The following CTNNA1 variants were observed in gnomAD, a reference collection of about 807,000 sequenced individuals.
CTNNA1 encodes the protein catenin alpha 1, also known as catenin alpha-1.
A neutral mutation model predicts 98.4 loss-of-function variants in CTNNA1; 37 were observed. The ratio of observed to expected loss-of-function variants is 0.38; its 90% CI spans 0.29 to 0.49. The LOEUF is 0.49. Ranked by LOEUF, CTNNA1 falls within the 20% of genes least tolerant of loss-of-function variation. The pLI is 0.95. For synonymous variants in CTNNA1, 404 were observed against 413.2 expected, an observed-to-expected ratio of 0.98 and a Z score of 0.27; for missense variants, 761 against 1,147.2, an observed-to-expected ratio of 0.66 and a Z score of 4.86.
At chr5:138,764,446 A>C (rs1752690503) in intron 1 of CTNNA1, among the ~76,000 whole-genome samples, 1 of 152,074 alleles carries the variant, frequency 6.6e-6, no homozygotes, top group Non-Finnish European at 1.5e-5. Flanking sequence ...GGGAAAAAAA[A>C]GTGGAAATGG....
At chr5:138,762,863 G>A (rs981849773) in intron 1 of CTNNA1, among the ~76,000 whole-genome samples, 1 of 151,802 alleles carries the variant, frequency 6.6e-6, no homozygotes, top group Non-Finnish European at 1.5e-5. Flanking sequence ...TGTAATTTTT[G>A]TCTCTAAGAG....
At chr5:138,811,732 A>C (rs937503809) in intron 4 of CTNNA1, among the ~76,000 whole-genome samples, 3 of 152,180 alleles carry the variant, frequency 2.0e-5, no homozygotes, top group Non-Finnish European at 2.9e-5. Flanking sequence ...CCCGGCCAAC[A>C]CAGCGAAACC....
At chr5:138,932,172 G>T (rs1326868485) in intron 16 of CTNNA1, 3 of 1,004,842 alleles carry the variant, frequency 3.0e-6, no homozygotes, top group Non-Finnish European at 3.6e-6. Flanking sequence ...AAAACATCTG[G>T]ACTTTTCTCC....
chr5:138,887,550 T>G lies in CTNNA1; in HGVS notation c.1204T>G (p.Leu402Val). 1 of 1,611,848 alleles carries G rather than the reference T, an allele frequency of 6.2e-7. No homozygotes were observed. Among genetic ancestry groups the G allele is most frequent in the Non-Finnish European group, 8.5e-7 (1 of 1,178,604 alleles). Residue 402 changes from leucine to valine, a missense_variant, in exon 9 of 18, where the codon TTG becomes GTG. Physicochemically the swap from Leu to Val is conservative, Grantham distance 32 (BLOSUM62 1). Around this residue, in one of 6 missense-constraint regions of CTNNA1, gnomAD observed 287 missense variants for 436.0 expected, o/e 0.66. Coordinates refer to ENST00000302763, the MANE Select transcript of CTNNA1 (RefSeq NM_001903.5). ...TTTCCTGGAAACCAATGTTCCACTT[T>G]TGGTATTGATTGAAGCTGCAAAGAA... ...DSFLETNVPL[L>V]VLIEAAKNGN...
At chr5:138,888,608 G>A (rs143379132) in intron 9 of CTNNA1, among the ~76,000 whole-genome samples, 373 of 152,258 alleles carry the variant, frequency 2.4e-3, no homozygotes, top group African/African-American at 8.5e-3. Context: ...AGTGCAGTGG[G>A]ACAATCTCAG....
chr5:138,781,895 CCTGA>C (rs772519571), intron 1 of CTNNA1, 24 bp from the exon 2 acceptor site: 10 of 1,559,856 alleles, frequency 6.4e-6, no homozygotes, highest in East Asian at 4.6e-5. Context: ...TTGATGTTTG[CCTGA>C]CTGACTTTTT....
At chr5:138,825,482 G>GTTTTGTTTTTTTTTTTT (rs1760581190) in intron 6 of CTNNA1, among the ~76,000 whole-genome samples, 4 of 74,114 alleles carry the variant, frequency 5.4e-5, no homozygotes, top group African/African-American at 2.3e-4. Context: ...AGCAGTATAA[G>GTTTTGTTTTTTTTTTTT]TTTTTTTTTT....
At chr5:138,868,567 C>T (rs10065417) in intron 7 of CTNNA1, among the ~76,000 whole-genome samples, 3,477 of 152,266 alleles carry the variant, frequency 0.023, 134 homozygotes, top group African/African-American at 0.08. Flanking sequence ...GGTGTTAGTT[C>T]ACTGTAATGG....
intron 7 of CTNNA1, among the ~76,000 whole-genome samples, chr5:138,856,727 G>A (rs288018): frequency 0.74 from 112,841 of 152,064 alleles, 42,138 homozygotes; most frequent in East Asian, 0.99. Context: ...AAGATTGGCA[G>A]AAGGGTGGAT....
intron 10 of CTNNA1, among the ~76,000 whole-genome samples, chr5:138,915,428 A>G (rs757249815): frequency 6.6e-6 from 1 of 152,332 alleles, no homozygotes; most frequent in South Asian, 2.1e-4. Flanking sequence ...GGGGAAAATA[A>G]CAAGTGTTAG....
chr5:138,933,771 G>A lies in CTNNA1; in HGVS notation c.2434-31G>A, dbSNP rs768449258. On this transcript the variant is annotated intron_variant, in intron 17 of 17. Transcript: ENST00000302763. ...GTCCACGAGGCTGGAGGTCAGGCCG[G>A]TGCTTCTTACCACCCCTGTCTGCCT... 7.5e-6 allele frequency: 12 copies of A among 1,604,284 alleles called. No homozygotes were observed. In the East Asian group the frequency reaches 2.7e-4, roughly 36 times the overall value.
At chr5:138,853,991 A>G (rs1763484274) in intron 7 of CTNNA1, among the ~76,000 whole-genome samples, 2 of 152,212 alleles carry the variant, frequency 1.3e-5, no homozygotes, top group Non-Finnish European at 2.9e-5. Flanking sequence ...GACCTGGGTG[A>G]ATGGAAGAAG....
chr5:138,884,058 A>G (rs1392390611), intron 7 of CTNNA1, among the ~76,000 whole-genome samples: 2 of 152,258 alleles, frequency 1.3e-5, no homozygotes, highest in Non-Finnish European at 2.9e-5. Flanking sequence ...CATATTCCCA[A>G]GGTGGTTGGG....
At chr5:138,860,783 A>C (rs748163755) in intron 7 of CTNNA1, among the ~76,000 whole-genome samples, 4 of 152,126 alleles carry the variant, frequency 2.6e-5, no homozygotes, top group Non-Finnish European at 5.9e-5. Context: ...ATACGGTAAT[A>C]AAATGGGCTC....
At chr5:138,827,460 G>C in intron 6 of CTNNA1, 55 bp from the exon 7 acceptor site, 2 of 1,581,740 alleles carry the variant, frequency 1.3e-6, no homozygotes, top group Non-Finnish European at 8.7e-7. Context: ...TTCTCACCTT[G>C]AATAAAGAAG....
intron 1 of CTNNA1, among the ~76,000 whole-genome samples, chr5:138,760,560 T>C (rs1752243971): frequency 6.6e-6 from 1 of 151,926 alleles, no homozygotes; most frequent in Non-Finnish European, 1.5e-5. Context: ...GAAACGGGGT[T>C]TCACCATATT....
In CTNNA1 at chr5:138,887,570, A is replaced by C; in HGVS notation, c.1224A>C (p.Ala408=). The C allele has an allele frequency of 6.2e-7, 1 of 1,612,740 alleles. No homozygotes were observed. The highest frequency in any genetic ancestry group is 8.5e-7 in the Non-Finnish European group (1 of 1,179,216). ...CACTTTTGGTATTGATTGAAGCTGC[A>C]AAGAATGGAAATGAGAAAGAAGTTA... is the stretch of plus-strand genomic sequence containing the variant. ...NVPLLVLIEA[A]KNGNEKEVKE... is the part of the protein sequence containing the mutation. The change falls in exon 9 of 18, where the codon GCA becomes GCC. Residue 408 remains alanine (A), a synonymous_variant. Transcript: ENST00000302763.
intron 3 of CTNNA1, among the ~76,000 whole-genome samples, chr5:138,805,451 A>G (rs1757993510): frequency 6.6e-6 from 1 of 152,088 alleles, no homozygotes. Context: ...TAGCCATCCT[A>G]ACTAAGTACA....
At chr5:138,884,065 T>A (rs1267833261) in intron 7 of CTNNA1, among the ~76,000 whole-genome samples, 1 of 152,230 alleles carries the variant, frequency 6.6e-6, no homozygotes, top group African/African-American at 2.4e-5. Context: ...CCAAGGTGGT[T>A]GGGTCATACC....
Sources: allele counts gnomAD v4.1 joint callset (sites outside exome capture counted in the v4.1 genomes callset), GRCh38; gene constraint gnomAD v4.1.1; regional missense constraint gnomAD v4.1.1; transcripts MANE v1.5; gene names NCBI Gene and HGNC (gene_info 2026-07-23, HGNC 2026-07-21).